SVEP1: variants seen among roughly 807,000 people sequenced by gnomAD.
SVEP1 encodes the protein sushi, von Willebrand factor type A, EGF and pentraxin domain-containing protein 1.
A neutral mutation model predicts 367.3 loss-of-function variants in SVEP1; 164 were observed. The ratio of observed to expected loss-of-function variants is 0.45; its 90% CI spans 0.39 to 0.51. SVEP1 has a LOEUF of 0.51. Ranked by LOEUF, SVEP1 falls within the 20% of genes least tolerant of loss-of-function variation. The pLI is 0.00. For missense variants in SVEP1, 4,117 were observed against 4,425.3 expected, an observed-to-expected ratio of 0.93 and a Z score of 1.98; for synonymous variants, 1,666 against 1,611.6, an observed-to-expected ratio of 1.03 and a Z score of -0.81.
At chr9:110,573,510 C>A (rs908677649) in intron 1 of SVEP1, among the ~76,000 whole-genome samples, 1 of 152,040 alleles carries the variant, frequency 6.6e-6, no homozygotes, top group South Asian at 2.1e-4. Context: ...GGCGAGACAG[C>A]GCATCCCCCA....
chr9:110,554,839 T>C (rs1300379559), intron 1 of SVEP1, among the ~76,000 whole-genome samples: 1 of 152,108 alleles, frequency 6.6e-6, no homozygotes, highest in Non-Finnish European at 1.5e-5. Flanking sequence ...AAGTGAAATA[T>C]GCATACACAA....
chr9:110,413,360 G>C (rs897580147), intron 36 of SVEP1, among the ~76,000 whole-genome samples: 2 of 142,804 alleles, frequency 1.4e-5, no homozygotes, highest in Non-Finnish European at 3.0e-5. Flanking sequence ...ATGGACACAG[G>C]AAGGGGAGCA....
intron 1 of SVEP1, among the ~76,000 whole-genome samples, chr9:110,550,707 C>G (rs1830275599): frequency 6.6e-6 from 1 of 152,132 alleles, no homozygotes; most frequent in Admixed American, 6.5e-5. Context: ...TTTTGGACCA[C>G]CCGGTACTAG....
chr9:110,465,724 CA>C (rs1022661365), intron 18 of SVEP1, 140 bp downstream of exon 18: 40 of 1,142,860 alleles, frequency 3.5e-5, no homozygotes, highest in Non-Finnish European at 4.5e-5. Context: ...ACTAAACAAA[CA>C]AAAAAACCTC....
At chr9:110,563,065 A>T (rs1252032764) in intron 1 of SVEP1, among the ~76,000 whole-genome samples, 4 of 152,230 alleles carry the variant, frequency 2.6e-5, no homozygotes, top group African/African-American at 9.6e-5. Context: ...AAATTGAAAG[A>T]TAATACTGAG....
At chr9:110,367,107 T>C (rs1213427905) in intron 47 of SVEP1, among the ~76,000 whole-genome samples, 1 of 152,208 alleles carries the variant, frequency 6.6e-6, no homozygotes, top group Non-Finnish European at 1.5e-5. Flanking sequence ...AATTGCTCCA[T>C]CTGTTAACAA....
At chr9:110,461,476 T>C (rs1379557549) in intron 18 of SVEP1, among the ~76,000 whole-genome samples, 1 of 152,190 alleles carries the variant, frequency 6.6e-6, no homozygotes, top group Non-Finnish European at 1.5e-5. Flanking sequence ...GGGTTTGGTG[T>C]CCTTACAATA....
intron 1 of SVEP1, among the ~76,000 whole-genome samples, chr9:110,570,531 A>T (rs1216428470): frequency 6.7e-6 from 1 of 149,982 alleles, no homozygotes; most frequent in African/African-American, 2.5e-5. Flanking sequence ...TGCAGGCTGG[A>T]GTGCAGTGGC....
rs140875533 is a variant in SVEP1 at position 110,552,373 on chromosome 9, C to G, written c.532-2269G>C. Among the ~76,000 whole-genome samples, 903 of 152,230 alleles carry G rather than the reference C, an allele frequency of 5.9e-3. 9 individuals are homozygous for G. Among genetic ancestry groups the G allele is most frequent in the African/African-American group, 0.02 (844 of 41,550 alleles). On this transcript the variant is annotated intron_variant, in intron 1 of 47. Coordinates refer to ENST00000374469, the MANE Select transcript of SVEP1 (RefSeq NM_153366.4). Reference sequence around the variant, plus strand: ...GGCCAGTCCCCAAACTTTTTGGCACCTGGGACCAGTTTCCTGGAAGACAAT... The same window carrying G: ...GGCCAGTCCCCAAACTTTTTGGCACGTGGGACCAGTTTCCTGGAAGACAAT...
chr9:110,529,379 C>CT (rs1416998441), intron 3 of SVEP1, among the ~76,000 whole-genome samples: 1 of 151,858 alleles, frequency 6.6e-6, no homozygotes, highest in Non-Finnish European at 1.5e-5. Flanking sequence ...TTTTAAGATT[C>CT]TTTTTTTGTT....
intron 22 of SVEP1, among the ~76,000 whole-genome samples, chr9:110,452,222 T>G (rs1477098654): frequency 6.6e-6 from 1 of 152,248 alleles, no homozygotes; most frequent in East Asian, 1.9e-4. Flanking sequence ...TATGAACACT[T>G]GTTTTTTCAC....
chr9:110,430,108 T>A lies in SVEP1; in HGVS notation c.5531-104A>T, dbSNP rs989222346. 323 of 92,274 alleles carry A rather than the reference T, an allele frequency of 3.5e-3. 1 individual carries two copies. The highest frequency in any genetic ancestry group is 4.4e-3 in the Non-Finnish European group (289 of 65,986). 5.7% of individuals were successfully genotyped at this position (92,274 alleles called of 1,614,324 possible). ...GATCTTTTTTTGTTTGTTTGTTTTC[T>A]TTTTTTTTTTTTTTGGTGTGTGTGT... On this transcript the variant is annotated intron_variant, in intron 33 of 47. Transcript: ENST00000374469.
At chr9:110,371,525 ACTGCTTATCACTTCCCTTGTATGTTT>A (rs1366761725) in intron 46 of SVEP1, among the ~76,000 whole-genome samples, 17 of 151,986 alleles carry the variant, frequency 1.1e-4, no homozygotes, top group African/African-American at 3.6e-4. Context: ...CTATCATCCA[ACTGCTTATCACTTCCCTTGTATGTTT>A]CTGCTTATCA....
At chr9:110,397,634 A>T (rs62569860) in intron 40 of SVEP1, among the ~76,000 whole-genome samples, 40,032 of 152,128 alleles carry the variant, frequency 0.26, 5,604 homozygotes, top group Middle Eastern at 0.38. Context: ...TGGATAAGCA[A>T]CTTCAGCAAA....
intron 40 of SVEP1, among the ~76,000 whole-genome samples, chr9:110,393,920 C>T (rs146181215): frequency 0.12 from 18,215 of 152,242 alleles, 1,179 homozygotes; most frequent in African/African-American, 0.13. Context: ...CTGTAGGCTC[C>T]ACCTCTGGGG....
In SVEP1 at chr9:110,472,220, T is replaced by G. The variant is rs753576828; in HGVS notation, c.2703A>C (p.Ser901=). The change falls in exon 15 of 48, where the codon TCA becomes TCC. Residue 901 remains serine (S), a synonymous_variant. Transcript: ENST00000374469. ...ATAATGGGGCACTTCTTTTAATCCG[T>G]GAGGACTTGGCATTGCCGATGCTTG... is the stretch of plus-strand genomic sequence containing the variant. ...TATSIGNAKS[S]RIKRSAPLSD... 2 of 1,613,720 alleles carry G rather than the reference T, an allele frequency of 1.2e-6. No homozygotes were observed. The highest frequency in any genetic ancestry group is 3.3e-5 in the Admixed American group (2 of 59,898).
intron 47 of SVEP1, among the ~76,000 whole-genome samples, chr9:110,368,580 C>A (rs1025834048): frequency 1.3e-5 from 2 of 152,170 alleles, no homozygotes; most frequent in Non-Finnish European, 2.9e-5. Context: ...ATCATGCAAA[C>A]TCTCTCTGGG....
intron 40 of SVEP1, among the ~76,000 whole-genome samples, chr9:110,398,190 T>C (rs1420915029): frequency 6.6e-6 from 1 of 152,066 alleles, no homozygotes; most frequent in Non-Finnish European, 1.5e-5. Context: ...TTATGCTGCA[T>C]ATCTACAACT....
intron 41 of SVEP1, among the ~76,000 whole-genome samples, chr9:110,389,201 C>T (rs547643005): frequency 1.3e-5 from 2 of 151,514 alleles, no homozygotes; most frequent in South Asian, 4.2e-4. Context: ...CAGCTCTTAG[C>T]CTTCTAATTT....
Sources: allele counts gnomAD v4.1 joint callset (sites outside exome capture counted in the v4.1 genomes callset), GRCh38; gene constraint gnomAD v4.1.1; transcripts MANE v1.5; gene names NCBI Gene and HGNC (gene_info 2026-07-23, HGNC 2026-07-21).